The following TRIM72 variants were observed in gnomAD, a reference collection of about 807,000 sequenced individuals.
TRIM72 encodes the protein tripartite motif containing 72, also known as tripartite motif-containing protein 72.
Under a neutral mutation model 31.6 loss-of-function variants are expected in TRIM72, and 33 were observed. That is an observed-to-expected ratio of 1.04 (90% CI 0.79 to 1.40). The LOEUF (loss-of-function observed/expected upper bound fraction) is 1.40. TRIM72 is among the 40% of genes most tolerant of loss of function. TRIM72 has a pLI of 0.00. For synonymous variants in TRIM72, 301 were observed against 314.4 expected (o/e 0.96, Z 0.45); for missense variants, 666 against 682.7 (o/e 0.98, Z 0.27).
In TRIM72 at chr16:31,219,411, C is replaced by T. The variant is rs74015099; in HGVS notation, c.609C>T (p.Val203=). Residue 203 remains valine (V), a synonymous_variant, in exon 4 of 7, where the codon GTC becomes GTT. Transcript: ENST00000322122. The surrounding 1 kb of genome is among the most constrained non-coding windows in gnomAD (Gnocchi z 4.2). ...EAERVRGEAG[V]ALRRELGSLN... ...AGCGTGTACGGGGTGAGGCAGGGGT[C>T]GCCTTGCGCCGGGAGCTGGGGAGCC... 2,463 of 1,613,640 alleles carry T rather than the reference C, an allele frequency of 1.5e-3. 30 individuals are homozygous for T. The African/African-American group carries it at 0.03, about 19-fold the overall frequency.
In TRIM72 at chr16:31,229,903, C is replaced by T. The variant is rs974469516; in HGVS notation, c.*5148C>T. On this transcript the variant is annotated 3_prime_UTR_variant, in exon 7 of 7. Transcript: ENST00000322122. Reference sequence around the variant, plus strand: ...AGGAGTTCGAGACCAGTCTGGTCAACATGGTGAAACCCCATCTTTACTAAA... The same window carrying T: ...AGGAGTTCGAGACCAGTCTGGTCAATATGGTGAAACCCCATCTTTACTAAA... 6.6e-6 allele frequency: 1 copy of T among 152,140 alleles called. No homozygotes were observed. The highest frequency in any genetic ancestry group is 2.4e-5 in the African/African-American group (1 of 41,434). 9.4% of individuals were successfully genotyped at this position (152,140 alleles called of 1,614,324 possible).
chr16:31,224,130 A>G (rs1443763924), intron 6 of TRIM72, 51 bp from the exon 7 acceptor site: 5 of 1,569,968 alleles, frequency 3.2e-6, no homozygotes, highest in East Asian at 2.3e-5. Context: ...TTGGGAGAAG[A>G]CCCCAGCGAG....
At position 31,224,814 on chromosome 16, in the gene TRIM72, G is replaced by A. The variant is rs879302837; in HGVS notation, c.*59G>A. 3.6e-5 allele frequency: 51 copies of A among 1,403,896 alleles called. No individual in the cohort carries two copies. Among genetic ancestry groups the A allele is most frequent in the Non-Finnish European group, 4.6e-5 (50 of 1,082,156 alleles). 87.0% of individuals were successfully genotyped at this position (1,403,896 alleles called of 1,614,324 possible). A position where few individuals can be genotyped will look rare whatever the true frequency, so the allele number is the denominator to read the frequency against. On this transcript the variant is annotated 3_prime_UTR_variant, in exon 7 of 7. Coordinates refer to ENST00000322122, the MANE Select transcript of TRIM72 (RefSeq NM_001008274.4). ...CTGGGTTGAAGCTTAGGTCTCCTTG[G>A]TCGGGTCTGACGGGAGAAGGGTGGG...
Position 31,216,671 on chromosome 16 carries a change from G to A in TRIM72, c.390+1543G>A. 6.8e-7 allele frequency: 1 copy of A among 1,472,944 alleles called. No individual in the cohort carries two copies. The highest frequency in any genetic ancestry group is 9.2e-7 in the Non-Finnish European group (1 of 1,090,514). 91.2% of individuals were successfully genotyped at this position (1,472,944 alleles called of 1,614,324 possible). A position where few individuals can be genotyped will look rare whatever the true frequency, so the allele number is the denominator to read the frequency against. On this transcript the variant is annotated intron_variant, in intron 2 of 6. Transcript: ENST00000322122. The surrounding 1 kb of genome is among the most constrained non-coding windows in gnomAD (Gnocchi z 6.7). ...GGAGGGACCCTGAAGGAGGGGAACAGGAAGGCTCTGGGCGGGACCTGACGC... is the reference window on the plus strand; with the variant it reads ...GGAGGGACCCTGAAGGAGGGGAACAAGAAGGCTCTGGGCGGGACCTGACGC...
rs767391228 is a variant in TRIM72 at position 31,230,243 on chromosome 16, G to C, written c.*5488G>C. ...TCTCTCTCCCTTTCCCAGGCATTGTGAAGACCCTGTTTCTCTAGCTGTGCA... is the reference window on the plus strand; with the variant it reads ...TCTCTCTCCCTTTCCCAGGCATTGTCAAGACCCTGTTTCTCTAGCTGTGCA... On this transcript the variant is annotated 3_prime_UTR_variant, in exon 7 of 7. Coordinates refer to ENST00000322122, the MANE Select transcript of TRIM72 (RefSeq NM_001008274.4). 2.6e-5 allele frequency: 4 copies of C among 152,196 alleles called. No individual in the cohort carries two copies. The highest frequency in any genetic ancestry group is 5.9e-5 in the Non-Finnish European group (4 of 68,038). The allele number at this position is 152,196 out of a possible 1,614,324, so 9.4% of individuals were successfully genotyped here.
At chr16:31,214,672 A>G (rs935504292) in intron 1 of TRIM72, 60 bp from the exon 2 acceptor site, 1 of 1,414,732 alleles carries the variant, frequency 7.1e-7, no homozygotes, top group Non-Finnish European at 9.1e-7. Flanking sequence ...GGGCTGGGCC[A>G]GGGCTGGGCC....
chr16:31,223,789 C>G (rs2079543620), intron 6 of TRIM72, among the ~76,000 whole-genome samples: 1 of 151,894 alleles, frequency 6.6e-6, no homozygotes, highest in Non-Finnish European at 1.5e-5. Context: ...TGGCTGTAGT[C>G]CCAGCTACTT....
At chr16:31,223,408 G>T (rs1567495499) in intron 6 of TRIM72, among the ~76,000 whole-genome samples, 1 of 152,330 alleles carries the variant, frequency 6.6e-6, no homozygotes, top group East Asian at 1.9e-4. Flanking sequence ...GATGATGCAG[G>T]TTACAGAGCT....
In TRIM72 at chr16:31,215,565, G is replaced by T. The variant is rs2079504443; in HGVS notation, c.390+437G>T. Among the ~76,000 whole-genome samples, 1 of 152,082 alleles carries T rather than the reference G, an allele frequency of 6.6e-6. No individual in the cohort carries two copies. Among genetic ancestry groups the T allele is most frequent in the African/African-American group, 2.4e-5 (1 of 41,416 alleles). On this transcript the variant is annotated intron_variant, in intron 2 of 6. Coordinates refer to ENST00000322122, the MANE Select transcript of TRIM72 (RefSeq NM_001008274.4). This position sits in a 1 kb window ranked among gnomAD's most constrained non-coding sequence, Gnocchi z 6.3. Reference sequence around the variant, plus strand: ...GCCCACTTTGGACTGGAGGCGCGGCGTTCGGGACCGAGCCAGGCGGCCGGG... The same window carrying T: ...GCCCACTTTGGACTGGAGGCGCGGCTTTCGGGACCGAGCCAGGCGGCCGGG...
In TRIM72 at chr16:31,216,612, G is replaced by A. The variant is rs1429579300; in HGVS notation, c.390+1484G>A. 1.0e-6 allele frequency: 1 copy of A among 975,100 alleles called. No individual in the cohort carries two copies. The allele number at this position is 975,100 out of a possible 1,614,324, so 60.4% of individuals were successfully genotyped here. On this transcript the variant is annotated intron_variant, in intron 2 of 6. Transcript: ENST00000322122. This position sits in a 1 kb window ranked among gnomAD's most constrained non-coding sequence, Gnocchi z 6.7. The stretch of plus-strand genomic sequence containing the variant: ...CGGCAGCCCAGCCCTTCGCCCCCGG[G>A]AGGGGCTGGCCGGAGGTCTGAGGGA...
chr16:31,227,293 A>G lies in TRIM72; in HGVS notation c.*2538A>G, dbSNP rs2079557732. 6.6e-6 allele frequency: 1 copy of G among 152,204 alleles called. No individual in the cohort carries two copies. Among genetic ancestry groups the G allele is most frequent in the Non-Finnish European group, 1.5e-5 (1 of 68,040 alleles). The allele number at this position is 152,204 out of a possible 1,614,324, so 9.4% of individuals were successfully genotyped here. A position where few individuals can be genotyped will look rare whatever the true frequency, so the allele number is the denominator to read the frequency against. On this transcript the variant is annotated 3_prime_UTR_variant, in exon 7 of 7. Transcript: ENST00000322122. The stretch of plus-strand genomic sequence containing the variant: ...TGTGGTCACGGGACTCAGTTGCTCA[A>G]AACTTTCAACAACTCCCTCTTGCCT...
rs1324168825 is a variant in TRIM72, at chr16:31,222,503, A to T, written c.741-324A>T. Among the ~76,000 whole-genome samples the T allele has an allele frequency of 1.2e-4, 8 of 65,142 alleles. No individual in the cohort carries two copies. In the East Asian group the frequency reaches 3.5e-3, roughly 29 times the overall value. The allele number at this position is 65,142 out of a possible 152,430, so 42.7% of individuals were successfully genotyped here. A position where few individuals can be genotyped will look rare whatever the true frequency, so the allele number is the denominator to read the frequency against. On this transcript the variant is annotated intron_variant, in intron 5 of 6. Coordinates refer to ENST00000322122, the MANE Select transcript of TRIM72 (RefSeq NM_001008274.4). ...TCTTCTTTTTTTTTTTTTTTTAGAC[A>T]GGATCTTGCTATGTTGCCCAGACTG...
At chr16:31,222,728 G>A (rs2079539315) in intron 5 of TRIM72, 99 bp from the exon 6 acceptor site, 1 of 617,778 alleles carries the variant, frequency 1.6e-6, no homozygotes, top group South Asian at 2.3e-5. Context: ...TCCAAAGGAA[G>A]AGTTTTAAGC....
At position 31,224,395 on chromosome 16, in the gene TRIM72, G is replaced by T. The variant is rs2079546632; in HGVS notation, c.1074G>T (p.Ala358=). 2 of 1,458,470 alleles carry T rather than the reference G, an allele frequency of 1.4e-6. No homozygotes were observed. The highest frequency in any genetic ancestry group is 1.8e-6 in the Non-Finnish European group (2 of 1,116,248). 90.3% of individuals were successfully genotyped at this position (1,458,470 alleles called of 1,614,324 possible). ...EVDVGDKPRW[A]LGVIAAEAPR... Reference sequence around the variant, plus strand: ...ATGTTGGCGACAAGCCGCGCTGGGCGCTGGGCGTGATCGCGGCCGAGGCCC... The same window carrying T: ...ATGTTGGCGACAAGCCGCGCTGGGCTCTGGGCGTGATCGCGGCCGAGGCCC... The change falls in exon 7 of 7, where the codon GCG becomes GCT. Residue 358 remains alanine, a synonymous_variant. Coordinates refer to ENST00000322122, the MANE Select transcript of TRIM72 (RefSeq NM_001008274.4).
chr16:31,224,607 C>T lies in TRIM72; in HGVS notation c.1286C>T (p.Ala429Val), dbSNP rs1158672388. The T allele has an allele frequency of 3.2e-6, 5 of 1,553,616 alleles. No individual in the cohort carries two copies. Among genetic ancestry groups the T allele is most frequent in the African/African-American group, 1.4e-5 (1 of 73,642 alleles). Residue 429 changes from alanine to valine, a missense_variant, in exon 7 of 7, where the codon GCC (alanine) becomes GTC (valine). Physicochemically the swap from Ala to Val is moderately conservative, Grantham distance 64. Coordinates refer to ENST00000322122, the MANE Select transcript of TRIM72 (RefSeq NM_001008274.4). Reference sequence around the variant, plus strand: ...GACGGCGTCCTCTCCTTCTACGATGCCAGCGACGCCGACGCGCTCGTGCCG... The same window carrying T: ...GACGGCGTCCTCTCCTTCTACGATGTCAGCGACGCCGACGCGCTCGTGCCG... The part of the protein sequence containing the change: ...FGDGVLSFYD[A>V]SDADALVPLF...
intron 1 of TRIM72, 61 bp downstream of exon 1, chr16:31,214,358 G>A (rs556680212): frequency 1.6e-4 from 31 of 189,236 alleles, no homozygotes; most frequent in South Asian, 3.0e-4. Context: ...TAAAGTGAGG[G>A]AGGGGAGTCT....
chr16:31,231,478 A>C lies in TRIM72; in HGVS notation c.*6723A>C, dbSNP rs2079569618. 1 of 152,118 alleles carries C rather than the reference A, an allele frequency of 6.6e-6. No homozygotes were observed. Among genetic ancestry groups the C allele is most frequent in the East Asian group, 1.9e-4 (1 of 5,174 alleles). The allele number at this position is 152,118 out of a possible 1,614,324, so 9.4% of individuals were successfully genotyped here. On this transcript the variant is annotated 3_prime_UTR_variant, in exon 7 of 7. Coordinates refer to ENST00000322122, the MANE Select transcript of TRIM72 (RefSeq NM_001008274.4). ...ACTGGTGGTGGTGAGAAAGTTGGGT[A>C]ATTTAACCAAAAGTAAAAATCAAGA... is the stretch of plus-strand genomic sequence containing the variant.
Position 31,216,500 on chromosome 16 carries a change from C to T in TRIM72, c.390+1372C>T. On this transcript the variant is annotated intron_variant, in intron 2 of 6. Coordinates refer to ENST00000322122, the MANE Select transcript of TRIM72 (RefSeq NM_001008274.4). The surrounding 1 kb of genome is among the most constrained non-coding windows in gnomAD (Gnocchi z 6.7). ...TGCCCGTCTTTATCTGCGAAGAAAGCACAGAACCCATGAAACGGAACAGGG... is the reference window on the plus strand; with the variant it reads ...TGCCCGTCTTTATCTGCGAAGAAAGTACAGAACCCATGAAACGGAACAGGG... The T allele has an allele frequency of 2.1e-6, 1 of 473,598 alleles. No individual in the cohort carries two copies. Among genetic ancestry groups the T allele is most frequent in the Non-Finnish European group, 3.7e-6 (1 of 268,866 alleles). 29.3% of individuals were successfully genotyped at this position (473,598 alleles called of 1,614,324 possible).
At chr16:31,214,699 G>C in intron 1 of TRIM72, 33 bp from the exon 2 acceptor site, 1 of 1,503,402 alleles carries the variant, frequency 6.7e-7, no homozygotes, top group Non-Finnish European at 8.8e-7. Context: ...GCGGCGCCGC[G>C]GGGTCCCCCT....
Sources: allele counts gnomAD v4.1 joint callset (sites outside exome capture counted in the v4.1 genomes callset), GRCh38; gene constraint gnomAD v4.1.1; non-coding constraint Gnocchi (gnomAD v3.1); transcripts MANE v1.5; gene names NCBI Gene and HGNC (gene_info 2026-07-23, HGNC 2026-07-21).